The following CTNNA2 variants were observed in gnomAD, a reference collection of about 807,000 sequenced individuals.
CTNNA2 encodes catenin alpha-2.
CTNNA2 carries 42 observed loss-of-function variants against 101.0 expected under a neutral mutation model. The ratio of observed to expected loss-of-function variants is 0.42; its 90% CI spans 0.32 to 0.54. CTNNA2 has a LOEUF of 0.54. Among genes scored for constraint, CTNNA2 ranks in the 20% least tolerant of loss-of-function variants. The probability of loss-of-function intolerance (pLI) is 0.14; values close to 1 mark genes in which losing one functional copy is unlikely to be tolerated. For missense variants in CTNNA2, 871 were observed against 1,223.1 expected (o/e 0.71, Z 4.29); for synonymous variants, 450 against 456.4 (o/e 0.99, Z 0.18).
rs573351413 is a variant in CTNNA2 at position 79,888,385 on chromosome 2, G to T, written c.852+14043G>T. Among the ~76,000 whole-genome samples the T allele has an allele frequency of 2.8e-4, 42 of 152,202 alleles. 1 individual carries two copies. In the South Asian group the frequency reaches 8.1e-3, roughly 29 times the overall value. On this transcript the variant is annotated intron_variant, in intron 6 of 18. Transcript: ENST00000402739. Reference sequence around the variant, plus strand: ...CCGGGTTATTGACACCTCTTGTATAGGTTATCGATACCTCTGATATTGCTT... The same window carrying T: ...CCGGGTTATTGACACCTCTTGTATATGTTATCGATACCTCTGATATTGCTT...
intron 11 of CTNNA2, among the ~76,000 whole-genome samples, chr2:80,550,028 A>T (rs754434854): frequency 6.6e-6 from 1 of 152,178 alleles, no homozygotes. Flanking sequence ...GTTCATGTTC[A>T]TGTCTATGTA....
chr2:80,075,848 G>A (rs1319536839), intron 7 of CTNNA2, among the ~76,000 whole-genome samples: 1 of 147,882 alleles, frequency 6.8e-6, no homozygotes, highest in Non-Finnish European at 1.5e-5. Context: ...ATTATATGCT[G>A]AAACCACCTG....
chr2:80,191,932 G>A (rs974293439), intron 7 of CTNNA2, among the ~76,000 whole-genome samples: 1 of 152,136 alleles, frequency 6.6e-6, no homozygotes, highest in Non-Finnish European at 1.5e-5. Flanking sequence ...AAGACATAAG[G>A]AAATCCTGAT....
At chr2:79,334,369 CA>C (rs201855170) in intron 3 of CTNNA2, among the ~76,000 whole-genome samples, 191 of 141,738 alleles carry the variant, frequency 1.3e-3, no homozygotes, top group Middle Eastern at 3.5e-3. Flanking sequence ...TGCACTATGC[CA>C]AAAAAAAAAG....
intron 1 of CTNNA2, among the ~76,000 whole-genome samples, chr2:79,578,752 A>G (rs1321848984): frequency 6.6e-6 from 1 of 152,134 alleles, no homozygotes; most frequent in East Asian, 1.9e-4. Flanking sequence ...CCAAGTCACT[A>G]AAGTTTGTCT....
chr2:79,321,425 A>G (rs1676621209), intron 3 of CTNNA2, among the ~76,000 whole-genome samples: 1 of 151,808 alleles, frequency 6.6e-6, no homozygotes, highest in African/African-American at 2.4e-5. Context: ...GTGAAATTTT[A>G]TTGGTTCTAT....
rs537936112 is a variant in CTNNA2, at chr2:79,222,332, G to A, written c.-406+24256G>A. On this transcript the variant is annotated intron_variant, in intron 2 of 21. Coordinates refer to the CTNNA2 transcript ENST00000466387. ...GCCAGTTTATGACCCTTGACTGAGG[G>A]AATGAGTTCATCCTTCTTCTGTAGG... Among the ~76,000 whole-genome samples, 150 of 152,330 alleles carry A rather than the reference G, an allele frequency of 9.8e-4. 1 individual carries two copies. The highest frequency in any genetic ancestry group is 3.5e-3 in the African/African-American group (144 of 41,584).
chr2:79,524,702 A>G (rs2103894150), intron 1 of CTNNA2: 1 of 152,110 alleles, frequency 6.6e-6, no homozygotes, highest in Non-Finnish European at 1.5e-5. Context: ...TACACTGTCT[A>G]TACTGTACTC....
intron 1 of CTNNA2, among the ~76,000 whole-genome samples, chr2:79,549,955 A>AT (rs1258838550): frequency 6.6e-6 from 1 of 152,282 alleles, no homozygotes; most frequent in East Asian, 1.9e-4. Context: ...TGTTTTAATT[A>AT]TATAAGGGCC....
At chr2:79,791,005 G>A (rs776484910) in intron 3 of CTNNA2, among the ~76,000 whole-genome samples, 2 of 152,144 alleles carry the variant, frequency 1.3e-5, no homozygotes, top group Non-Finnish European at 2.9e-5. Context: ...CCTAAGAGTT[G>A]AATGAGTCAT....
intron 2 of CTNNA2, among the ~76,000 whole-genome samples, chr2:79,285,847 A>G (rs1193449583): frequency 6.8e-6 from 1 of 147,256 alleles, no homozygotes; most frequent in African/African-American, 2.6e-5. Context: ...TAATGTTGAC[A>G]GTGGGGTGTT....
intron 7 of CTNNA2, among the ~76,000 whole-genome samples, chr2:79,990,255 C>A (rs922368099): frequency 1.3e-5 from 2 of 152,162 alleles, no homozygotes; most frequent in Non-Finnish European, 2.9e-5. Context: ...TGAGCTGAGG[C>A]AGCCCCTTAG....
At chr2:79,850,303 C>A (rs370767227) in intron 3 of CTNNA2, among the ~76,000 whole-genome samples, 1 of 103,066 alleles carries the variant, frequency 9.7e-6, no homozygotes, top group Non-Finnish European at 2.0e-5. Context: ...TCCCTCCCCC[C>A]TCCCTTCCTT....
intron 6 of CTNNA2, among the ~76,000 whole-genome samples, chr2:79,904,206 C>T (rs77211141): frequency 0.017 from 2,561 of 152,142 alleles, 156 homozygotes; most frequent in Admixed American, 0.11. Flanking sequence ...TCAGTCATTC[C>T]ATAACATCAT....
At chr2:80,243,438 C>T (rs1425589390) in intron 7 of CTNNA2, among the ~76,000 whole-genome samples, 1 of 152,198 alleles carries the variant, frequency 6.6e-6, no homozygotes, top group Non-Finnish European at 1.5e-5. Flanking sequence ...ATCCCACTCT[C>T]ATCTCCAGGC....
intron 3 of CTNNA2, among the ~76,000 whole-genome samples, chr2:79,761,793 G>A (rs552280720): frequency 2.1e-4 from 32 of 152,202 alleles, no homozygotes; most frequent in African/African-American, 7.7e-4. Flanking sequence ...TACTGCTTTG[G>A]TAATACCTTA....
chr2:80,113,406 G>A (rs1701332824), intron 7 of CTNNA2, among the ~76,000 whole-genome samples: 1 of 152,172 alleles, frequency 6.6e-6, no homozygotes, highest in East Asian at 1.9e-4. Context: ...AGTTCTTGGT[G>A]TGCATATGGA....
chr2:79,200,209 C>T (rs997053339), intron 2 of CTNNA2, among the ~76,000 whole-genome samples: 9 of 152,114 alleles, frequency 5.9e-5, no homozygotes, highest in South Asian at 2.1e-4. Flanking sequence ...TATGGTGAAA[C>T]CCCACCTCTA....
chr2:80,457,480 GT>G (rs1322523719), intron 9 of CTNNA2, among the ~76,000 whole-genome samples: 1 of 152,014 alleles, frequency 6.6e-6, no homozygotes. Flanking sequence ...TTCATGGAAA[GT>G]TTTTTTAGTA....
Sources: allele counts gnomAD v4.1 joint callset (sites outside exome capture counted in the v4.1 genomes callset), GRCh38; gene constraint gnomAD v4.1.1; transcripts MANE v1.5; gene names NCBI Gene and HGNC (gene_info 2026-07-23, HGNC 2026-07-21).